The following STAB1 variants were observed in gnomAD, a reference collection of about 807,000 sequenced individuals.
The protein encoded by STAB1 is stabilin 1.
Under a neutral mutation model 332.4 loss-of-function variants are expected in STAB1, and 250 were observed. That is an observed-to-expected ratio of 0.75 (90% CI 0.68 to 0.84). STAB1 has a LOEUF of 0.84. STAB1 is among the 40% of genes least tolerant of loss of function. The probability of loss-of-function intolerance (pLI) is 0.00; values close to 1 mark genes in which losing one functional copy is unlikely to be tolerated. For synonymous variants in STAB1, 1,475 were observed against 1,390.4 expected (o/e 1.06, Z -1.35); for missense variants, 3,249 against 3,489.7 (o/e 0.93, Z 1.74).
chr3:52,509,653 G>A (rs963067286), intron 22 of STAB1, among the ~76,000 whole-genome samples: 4 of 152,230 alleles, frequency 2.6e-5, no homozygotes, highest in African/African-American at 9.7e-5. Context: ...GTGGTGTTGG[G>A]ATCAGGGCAA....
In STAB1 at chr3:52,511,667, G is replaced by T; in HGVS notation, c.2805G>T (p.Lys935Asn). Residue 935 changes from lysine to asparagine, a missense_variant, in exon 26 of 69, where the codon AAG (lysine) becomes AAT (asparagine). Transcript: ENST00000321725. ...CTTTCCAGAGCCGATGCACCTGCAA[G>T]CTGGGCTTTGCCGGGGATGGCTACC... ...VGPGQSRCTC[K>N]LGFAGDGYQC... 6.2e-7 allele frequency: 1 copy of T among 1,610,794 alleles called. No individual in the cohort carries two copies. Among genetic ancestry groups the T allele is most frequent in the African/African-American group, 1.3e-5 (1 of 75,016 alleles).
Position 52,524,177 on chromosome 3 carries a change from T to TGTC in STAB1, c.7621_7623dup (p.Val2541dup), listed in dbSNP as rs1410824551. On this transcript the variant is annotated inframe_insertion, in exon 68 of 69. Transcript: ENST00000321725. The stretch of plus-strand genomic sequence containing the variant: ...CCACCCTGGTCTCTGTCCCCAACCC[T>TGTC]GTCTTTGGCAGCGACACCTTTTGTG... 1 of 1,613,948 alleles carries TGTC rather than the reference T, an allele frequency of 6.2e-7. No individual in the cohort carries two copies.
In STAB1 at chr3:52,514,358, C is replaced by T. The variant is rs373278139; in HGVS notation, c.3547-7C>T. On this transcript the variant is annotated splice_region_variant and splice_polypyrimidine_tract_variant and intron_variant, in intron 33 of 68. Coordinates refer to ENST00000321725, the MANE Select transcript of STAB1 (RefSeq NM_015136.3). ...GCAGTCCCCTGGGTTCTCTCCTTCT[C>T]TTCCAGGACGCAGACACAGTGCGGC... The T allele has an allele frequency of 5.3e-5, 82 of 1,544,352 alleles. No individual in the cohort carries two copies. The highest frequency in any genetic ancestry group is 6.8e-5 in the Non-Finnish European group (78 of 1,142,918).
At chr3:52,508,927 TA>T (rs1270138421) in intron 21 of STAB1, among the ~76,000 whole-genome samples, 1 of 152,216 alleles carries the variant, frequency 6.6e-6, no homozygotes, top group Non-Finnish European at 1.5e-5. Context: ...GTTCTGTTTT[TA>T]CCACTTTGTA....
chr3:52,523,967 T>TACC lies in STAB1; in HGVS notation c.7493_7495dup (p.Tyr2498_Leu2499insHis), dbSNP rs2079175992. 1 of 1,611,610 alleles carries TACC rather than the reference T, an allele frequency of 6.2e-7. No individual in the cohort carries two copies. The highest frequency in any genetic ancestry group is 8.5e-7 in the Non-Finnish European group (1 of 1,179,924). ...GCTTGGCTTGGTGGCCGGAGCTCTCTACCTCCGTGCCCGAGGCAAGCCCAT... is the reference window on the plus strand; with the variant it reads ...GCTTGGCTTGGTGGCCGGAGCTCTCTACCACCTCCGTGCCCGAGGCAAGCCCAT... On this transcript the variant is annotated inframe_insertion, in exon 67 of 69. Transcript: ENST00000321725.
chr3:52,509,803 C>A, intron 22 of STAB1, 67 bp from the exon 23 acceptor site: 1 of 1,587,328 alleles, frequency 6.3e-7, no homozygotes. Context: ...CCCCCAAACC[C>A]ATCCTGGCTC....
At position 52,514,769 on chromosome 3, in the gene STAB1, G is replaced by C; in HGVS notation, c.3747G>C (p.Leu1249=). 1 of 1,613,024 alleles carries C rather than the reference G, an allele frequency of 6.2e-7. No individual in the cohort carries two copies. The highest frequency in any genetic ancestry group is 8.5e-7 in the Non-Finnish European group (1 of 1,180,000). Residue 1249 remains leucine, a synonymous_variant, in exon 35 of 69, where the codon CTG becomes CTC. Coordinates refer to ENST00000321725, the MANE Select transcript of STAB1 (RefSeq NM_015136.3). ...CCCCTGGCCGCTCGCTGATTGGTCT[G>C]TCGGGGGTCCTGACGGTGGGCTCAA... ...LEAPGRSLIG[L]SGVLTVGSSR...
intron 1 of STAB1, among the ~76,000 whole-genome samples, chr3:52,498,065 G>T (rs1029633541): frequency 2.0e-5 from 3 of 152,202 alleles, no homozygotes; most frequent in Non-Finnish European, 2.9e-5. Flanking sequence ...AAGGTAGGGG[G>T]AAGCAGTTTG....
At chr3:52,505,292 G>T (rs1160120789) in intron 13 of STAB1, 27 bp from the exon 14 acceptor site, 1 of 1,613,138 alleles carries the variant, frequency 6.2e-7, no homozygotes, top group East Asian at 2.2e-5. Flanking sequence ...CCTTCCCTGG[G>T]GCCCTCACAC....
In STAB1 at chr3:52,502,789, C is replaced by T. The variant is rs150151643; in HGVS notation, c.583+62C>T. On this transcript the variant is annotated intron_variant, in intron 6 of 68. Coordinates refer to ENST00000321725, the MANE Select transcript of STAB1 (RefSeq NM_015136.3). ...TCCCTGTGGCCAGAGCAAAAGAGGCCGACTGGGTGAGGATGGGGCCTGAGC... is the reference window on the plus strand; with the variant it reads ...TCCCTGTGGCCAGAGCAAAAGAGGCTGACTGGGTGAGGATGGGGCCTGAGC... 2.6e-4 allele frequency: 408 copies of T among 1,545,344 alleles called. No individual in the cohort carries two copies. In the East Asian group the frequency reaches 7.1e-3, roughly 27 times the overall value.
At position 52,508,341 on chromosome 3, in the gene STAB1, C is replaced by A. The variant is rs989755540; in HGVS notation, c.2217C>A (p.Pro739=). 6.2e-7 allele frequency: 1 copy of A among 1,613,882 alleles called. No homozygotes were observed. The highest frequency in any genetic ancestry group is 8.5e-7 in the Non-Finnish European group (1 of 1,179,994). Residue 739 remains proline (P), a synonymous_variant, in exon 21 of 69, where the codon CCC becomes CCA. Coordinates refer to ENST00000321725, the MANE Select transcript of STAB1 (RefSeq NM_015136.3). The part of the protein sequence containing the change: ...CTQCPGGFSN[P]CYGKGNCSDG... Reference sequence around the variant, plus strand: ...AGTGTCCTGGGGGCTTCTCCAACCCCTGCTATGGCAAAGGCAATGTGAGTC... The same window carrying A: ...AGTGTCCTGGGGGCTTCTCCAACCCATGCTATGGCAAAGGCAATGTGAGTC...
At chr3:52,509,028 G>C (rs1443541930) in intron 21 of STAB1, among the ~76,000 whole-genome samples, 182 bp from the exon 22 acceptor site, 1 of 152,172 alleles carries the variant, frequency 6.6e-6, no homozygotes, top group African/African-American at 2.4e-5. Context: ...AAGCCTCCAG[G>C]GCCAGGTGCC....
intron 34 of STAB1, 28 bp downstream of exon 34, chr3:52,514,524 C>A (rs371730278): frequency 6.6e-7 from 1 of 1,526,060 alleles, no homozygotes; most frequent in South Asian, 1.3e-5. Flanking sequence ...CAAGGAGACC[C>A]TAGCCCGGGC....
Position 52,505,780 on chromosome 3 carries a change from C to G in STAB1, c.1694C>G (p.Ala565Gly), listed in dbSNP as rs371576116. 11 of 1,613,712 alleles carry G rather than the reference C, an allele frequency of 6.8e-6. No individual in the cohort carries two copies. Among genetic ancestry groups the G allele is most frequent in the African/African-American group, 1.3e-5 (1 of 74,940 alleles). Residue 565 changes from alanine to glycine, a missense_variant and splice_region_variant, in exon 15 of 69, where the codon GCG becomes GGG. By Grantham distance (60) the Ala-to-Gly change is moderately conservative. Transcript: ENST00000321725. Reference protein sequence around the residue: ...RDGRLIYLFTAGLSKLQELVR... With the variant: ...RDGRLIYLFTGGLSKLQELVR... Reference sequence around the variant, plus strand: ...GGCCGCCTGATCTACCTCTTCACAGCGGTAAGCTCAGCGGGAGAAGGGGCT... The same window carrying G: ...GGCCGCCTGATCTACCTCTTCACAGGGGTAAGCTCAGCGGGAGAAGGGGCT...
In STAB1 at chr3:52,517,869, T is replaced by C. The variant is rs759218756; in HGVS notation, c.4639-12T>C. On this transcript the variant is annotated splice_polypyrimidine_tract_variant and intron_variant, in intron 44 of 68. Transcript: ENST00000321725. The stretch of plus-strand genomic sequence containing the variant: ...AAGCCACTGATACCTTCCTCTCCTG[T>C]CCCTGACTCAGAACAATGGAGGATG... 6.2e-7 allele frequency: 1 copy of C among 1,611,898 alleles called. No homozygotes were observed. Among genetic ancestry groups the C allele is most frequent in the African/African-American group, 1.3e-5 (1 of 74,850 alleles).
At position 52,508,330 on chromosome 3, in the gene STAB1, T is replaced by C; in HGVS notation, c.2206T>C (p.Phe736Leu). 3 of 1,613,952 alleles carry C rather than the reference T, an allele frequency of 1.9e-6. No individual in the cohort carries two copies. The highest frequency in any genetic ancestry group is 2.5e-6 in the Non-Finnish European group (3 of 1,179,996). Reference protein sequence around the residue: ...GPDCTQCPGGFSNPCYGKGNC... With the variant: ...GPDCTQCPGGLSNPCYGKGNC... Reference sequence around the variant, plus strand: ...TGACTGCACGCAGTGTCCTGGGGGCTTCTCCAACCCCTGCTATGGCAAAGG... The same window carrying C: ...TGACTGCACGCAGTGTCCTGGGGGCCTCTCCAACCCCTGCTATGGCAAAGG... Residue 736 changes from phenylalanine to leucine, a missense_variant, in exon 21 of 69, where the codon TTC (phenylalanine) becomes CTC (leucine). Phe to Leu is a conservative substitution (Grantham distance 22). Coordinates refer to ENST00000321725, the MANE Select transcript of STAB1 (RefSeq NM_015136.3).
At position 52,505,336 on chromosome 3, in the gene STAB1, C is replaced by A. The variant is rs761141224; in HGVS notation, c.1536C>A (p.Ile512=). 6.2e-7 allele frequency: 1 copy of A among 1,613,666 alleles called. No individual in the cohort carries two copies. Among genetic ancestry groups the A allele is most frequent in the Non-Finnish European group, 8.5e-7 (1 of 1,179,928 alleles). The change falls in exon 14 of 69, where the codon ATC becomes ATA. Residue 512 remains isoleucine (I), a synonymous_variant. Transcript: ENST00000321725. The part of the protein sequence containing the change: ...PGDPKRTIGQ[I]LASTEAFSRF... ...CCTTACAGAGAACTATCGGACAGAT[C>A]CTCGCCTCTACCGAGGCCTTCAGCC...
At chr3:52,498,652 C>T (rs1708217701) in intron 1 of STAB1, among the ~76,000 whole-genome samples, 1 of 152,262 alleles carries the variant, frequency 6.6e-6, no homozygotes, top group African/African-American at 2.4e-5. Context: ...CTTACTCAGC[C>T]TGAGCCCTTA....
In STAB1 at chr3:52,516,581, A is replaced by G. The variant is rs772472539; in HGVS notation, c.4280A>G (p.Asn1427Ser). Reference sequence around the variant, plus strand: ...CAGTGCCCTAGGAAGTGCGACCCCAATGCCAAGTGAGTGGGCCCAGCCTGG... The same window carrying G: ...CAGTGCCCTAGGAAGTGCGACCCCAGTGCCAAGTGAGTGGGCCCAGCCTGG... ...SPQCPRKCDP[N>S]ANCVQDSAGA... Residue 1427 changes from asparagine to serine, a missense_variant, in exon 40 of 69, where the codon AAT becomes AGT. Asn to Ser is a conservative substitution (Grantham distance 46, BLOSUM62 1). Transcript: ENST00000321725. 1.9e-6 allele frequency: 3 copies of G among 1,612,912 alleles called. No individual in the cohort carries two copies. Among genetic ancestry groups the G allele is most frequent in the South Asian group, 2.2e-5 (2 of 91,064 alleles).
Sources: allele counts gnomAD v4.1 joint callset (sites outside exome capture counted in the v4.1 genomes callset), GRCh38; gene constraint gnomAD v4.1.1; transcripts MANE v1.5; gene names NCBI Gene and HGNC (gene_info 2026-07-23, HGNC 2026-07-21).